Variants in IPO11 observed in about 807,000 individuals in gnomAD.
The protein encoded by IPO11 is importin 11.
A neutral mutation model predicts 143.2 loss-of-function variants in IPO11; 66 were observed. That is an observed-to-expected ratio of 0.46 (90% CI 0.38 to 0.57). The LOEUF is 0.57. IPO11 is among the 20% of genes least tolerant of loss of function. IPO11 has a pLI of 0.00. For synonymous variants in IPO11, 385 were observed against 377.8 expected, an observed-to-expected ratio of 1.02 and a Z score of -0.22; for missense variants, 1,026 against 1,141.0, an observed-to-expected ratio of 0.90 and a Z score of 1.45.
intron 1 of IPO11, among the ~76,000 whole-genome samples, chr5:62,428,046 C>A (rs1743824470): frequency 6.6e-6 from 1 of 152,222 alleles, no homozygotes; most frequent in South Asian, 2.1e-4. Context: ...CCAGATGTTG[C>A]AGTACTCATT....
Position 62,451,872 on chromosome 5 carries a change from A to G in IPO11, c.455A>G (p.Tyr152Cys), listed in dbSNP as rs756666284. The change falls in exon 5 of 30, where the codon TAT becomes TGT. Residue 152 changes from tyrosine to cysteine, a missense_variant. Tyr to Cys is a radical substitution (Grantham distance 194). Transcript: ENST00000325324. ...LRQHRALLTF[Y>C]HVTKTLASKR... ...CAGCACAGAGCATTACTTACCTTCT[A>G]TCATGTTACCAAGACACTGGCATCT... The G allele has an allele frequency of 3.1e-6, 5 of 1,614,128 alleles. No homozygotes were observed. Among genetic ancestry groups the G allele is most frequent in the Admixed American group, 3.3e-5 (2 of 60,028 alleles).
At chr5:62,595,527 A>G (rs1255401625) in intron 28 of IPO11, among the ~76,000 whole-genome samples, 2 of 152,220 alleles carry the variant, frequency 1.3e-5, no homozygotes, top group Non-Finnish European at 2.9e-5. Flanking sequence ...GTGGAAAAAA[A>G]TGGAAATGGG....
At chr5:62,415,175 A>T (rs1395652256) in intron 1 of IPO11, among the ~76,000 whole-genome samples, 1 of 151,388 alleles carries the variant, frequency 6.6e-6, no homozygotes, top group Non-Finnish European at 1.5e-5. Context: ...TTTCCTCTTT[A>T]TTTTTTTTGA....
intron 7 of IPO11, among the ~76,000 whole-genome samples, chr5:62,471,150 A>T (rs35120): frequency 0.46 from 67,964 of 147,578 alleles, 16,015 homozygotes; most frequent in South Asian, 0.61. Flanking sequence ...TTTTTTTTTT[A>T]AAATAAATGA....
At chr5:62,446,414 A>G (rs1429980297) in intron 3 of IPO11, among the ~76,000 whole-genome samples, 1 of 152,242 alleles carries the variant, frequency 6.6e-6, no homozygotes, top group Admixed American at 6.5e-5. Context: ...CCACAGCAAC[A>G]TACGAGTGTT....
chr5:62,457,443 T>C (rs1383231274), intron 5 of IPO11, among the ~76,000 whole-genome samples: 1 of 152,168 alleles, frequency 6.6e-6, no homozygotes, highest in East Asian at 1.9e-4. Flanking sequence ...ATGATTGTAC[T>C]AGCCTTGAAG....
intron 15 of IPO11, among the ~76,000 whole-genome samples, chr5:62,491,842 A>T (rs767765827): frequency 1.3e-5 from 2 of 149,078 alleles, no homozygotes; most frequent in African/African-American, 4.9e-5. Flanking sequence ...ATTTTTTTGT[A>T]TTTTTTTTTA....
At chr5:62,562,410 G>A (rs1743802775) in intron 27 of IPO11, among the ~76,000 whole-genome samples, 1 of 152,162 alleles carries the variant, frequency 6.6e-6, no homozygotes, top group Admixed American at 6.5e-5. Flanking sequence ...GAGGGGAAGG[G>A]GATGTTTTCA....
chr5:62,578,176 A>G (rs1252226509), intron 27 of IPO11, among the ~76,000 whole-genome samples: 1 of 152,130 alleles, frequency 6.6e-6, no homozygotes, highest in Non-Finnish European at 1.5e-5. Context: ...ATAACCCAAC[A>G]CAACCAATTA....
chr5:62,444,183 C>T (rs1744623102), intron 3 of IPO11, among the ~76,000 whole-genome samples: 1 of 151,412 alleles, frequency 6.6e-6, no homozygotes, highest in African/African-American at 2.4e-5. Flanking sequence ...GCAAGCTCTG[C>T]CTCACGGGTT....
At chr5:62,598,828 A>T (rs745366320) in intron 28 of IPO11, among the ~76,000 whole-genome samples, 1 of 151,736 alleles carries the variant, frequency 6.6e-6, no homozygotes, top group Non-Finnish European at 1.5e-5. Flanking sequence ...TACAGGTGTG[A>T]CCCACCGCAC....
intron 26 of IPO11, among the ~76,000 whole-genome samples, chr5:62,560,115 A>C (rs1743725194): frequency 6.6e-6 from 1 of 152,100 alleles, no homozygotes; most frequent in Non-Finnish European, 1.5e-5. Context: ...TGCCATATGC[A>C]GCATAGACTA....
intron 24 of IPO11, among the ~76,000 whole-genome samples, chr5:62,543,427 TC>T (rs1380800813): frequency 1.3e-5 from 2 of 152,206 alleles, no homozygotes; most frequent in African/African-American, 4.8e-5. Flanking sequence ...GGTGTATGTG[TC>T]CAGGAATTTA....
chr5:62,581,399 TATA>T, intron 27 of IPO11: 1 of 941,220 alleles, frequency 1.1e-6, no homozygotes, highest in Middle Eastern at 3.4e-4. Flanking sequence ...TAGTTGGAAA[TATA>T]ATGAATTATA....
intron 27 of IPO11, among the ~76,000 whole-genome samples, chr5:62,568,655 C>T (rs540656237): frequency 9.4e-5 from 14 of 148,376 alleles, no homozygotes; most frequent in African/African-American, 3.2e-4. Context: ...TGTGTTTTCT[C>T]GAAATTTGTT....
chr5:62,451,198 G>C (rs1390996255), intron 4 of IPO11, among the ~76,000 whole-genome samples: 3 of 152,090 alleles, frequency 2.0e-5, no homozygotes, highest in African/African-American at 7.2e-5. Context: ...TGTGGTCACA[G>C]GATCTCGTTA....
intron 5 of IPO11, among the ~76,000 whole-genome samples, chr5:62,459,667 C>T (rs761451812): frequency 1.3e-5 from 2 of 152,022 alleles, no homozygotes; most frequent in African/African-American, 2.4e-5. Context: ...TCTTCTGCCT[C>T]AGCCTCCCAA....
rs1219212515 is a variant in IPO11, at chr5:62,586,801, A to T, written c.2583-4776A>T. Among the ~76,000 whole-genome samples, 22 of 137,408 alleles carry T rather than the reference A, an allele frequency of 1.6e-4. No individual in the cohort carries two copies. The East Asian group carries it at 1.7e-3, about 10-fold the overall frequency. The allele number at this position is 137,408 out of a possible 152,430, so 90.1% of individuals were successfully genotyped here. On this transcript the variant is annotated intron_variant, in intron 27 of 29. Transcript: ENST00000325324. ...TATATATATATATATATATATATAT[A>T]TTCATGATTACCTTGTAATTATGTA...
intron 24 of IPO11, among the ~76,000 whole-genome samples, chr5:62,538,403 C>A (rs578090990): frequency 1.1e-4 from 16 of 152,268 alleles, no homozygotes; most frequent in Admixed American, 9.8e-4. Context: ...ATTACTGCCC[C>A]CTGATTAGTT....
Sources: allele counts gnomAD v4.1 joint callset (sites outside exome capture counted in the v4.1 genomes callset), GRCh38; gene constraint gnomAD v4.1.1; transcripts MANE v1.5; gene names NCBI Gene and HGNC (gene_info 2026-07-23, HGNC 2026-07-21).